TBC1D26: variants seen among roughly 807,000 people sequenced by gnomAD.
The protein encoded by TBC1D26 is TBC1 domain family member 26.
A neutral mutation model predicts 42.5 loss-of-function variants in TBC1D26; 19 were observed. That is an observed-to-expected ratio of 0.45 (90% CI 0.31 to 0.66). The LOEUF (loss-of-function observed/expected upper bound fraction) is 0.66, where lower values mean the gene tolerates loss of function less well. Among genes scored for constraint, TBC1D26 ranks in the 30% least tolerant of loss-of-function variants. The pLI is 0.06. For missense variants in TBC1D26, 228 were observed against 332.6 expected (o/e 0.69, Z 2.45); for synonymous variants, 97 against 123.5 (o/e 0.79, Z 1.42).
intron 11 of TBC1D26, 24 bp downstream of exon 11, chr17:15,742,060 C>T (rs1967802297): frequency 1.2e-6 from 2 of 1,604,444 alleles, no homozygotes; most frequent in Admixed American, 3.3e-5. Flanking sequence ...ACCCTCAGCT[C>T]CTAACCAGAC....
At chr17:15,739,751 G>A (rs569560360) in intron 8 of TBC1D26, among the ~76,000 whole-genome samples, 10 of 152,408 alleles carry the variant, frequency 6.6e-5, no homozygotes, top group Non-Finnish European at 1.3e-4. Context: ...TCTGGGAGGG[G>A]CTGCAGTGGT....
intron 14 of TBC1D26, 75 bp downstream of exon 14, chr17:15,743,591 C>T (rs1455271138): frequency 2.4e-5 from 12 of 510,494 alleles, no homozygotes; most frequent in Non-Finnish European, 3.1e-5. Context: ...GTGGCCCCGC[C>T]AGCCCTCCTA....
At chr17:15,738,971 GC>G in intron 8 of TBC1D26, 141 bp downstream of exon 8, 1 of 1,249,418 alleles carries the variant, frequency 8.0e-7, no homozygotes, top group Non-Finnish European at 1.1e-6. Context: ...GGAGCAGCCG[GC>G]ACCATGGACT....
rs368471151 is a variant in TBC1D26, at chr17:15,738,038, G to T, written c.240G>T (p.Lys80Asn). The stretch of plus-strand genomic sequence containing the variant: ...GTAAACGTACCAACAAGTGGCAAAA[G>T]ATGCTTGCAGACTGGACAAAATATA... ...KESKRTNKWQ[K>N]MLADWTKYRS... The change falls in exon 6 of 15, where the codon AAG (lysine) becomes AAT (asparagine). Residue 80 changes from lysine to asparagine, a missense_variant. By Grantham distance (94) the Lys-to-Asn change is moderately conservative. This residue lies in a region of TBC1D26 where 72 missense variants were observed against 90.1 expected (regional missense o/e 0.80). Transcript: ENST00000437605. The T allele has an allele frequency of 6.2e-7, 1 of 1,614,102 alleles. No individual in the cohort carries two copies. The highest frequency in any genetic ancestry group is 1.3e-5 in the African/African-American group (1 of 74,938).
At position 15,740,309 on chromosome 17, in the gene TBC1D26, C is replaced by T; in HGVS notation, c.546+161C>T. On this transcript the variant is annotated intron_variant, in intron 9 of 14. Coordinates refer to ENST00000437605, the MANE Select transcript of TBC1D26 (RefSeq NM_001388465.1). ...CTGCTGGCAGAAAAGGGCTGAAGCC[C>T]AGACTCCTGGTGTCACATGGACCCA... 1.9e-6 allele frequency: 3 copies of T among 1,584,370 alleles called. No individual in the cohort carries two copies. In the South Asian group the frequency reaches 3.5e-5, roughly 19 times the overall value.
At chr17:15,740,992 C>T in intron 9 of TBC1D26, 130 bp from the exon 10 acceptor site, 1 of 1,227,802 alleles carries the variant, frequency 8.1e-7, no homozygotes, top group Non-Finnish European at 1.1e-6. Context: ...GCAGAGGCTG[C>T]ACCTCAAATC....
At chr17:15,738,132 G>A in intron 6 of TBC1D26, 55 bp downstream of exon 6, 1 of 1,613,704 alleles carries the variant, frequency 6.2e-7, no homozygotes, top group Non-Finnish European at 8.5e-7. Flanking sequence ...CCAGGAGACA[G>A]GCACCCATGG....
intron 10 of TBC1D26, chr17:15,741,693 C>T (rs945853178): frequency 3.1e-5 from 17 of 543,708 alleles, no homozygotes; most frequent in South Asian, 1.4e-4. Flanking sequence ...ACCCTGTTCT[C>T]CCCGCTGGCG....
At chr17:15,737,741 T>C in intron 5 of TBC1D26, 3 of 838,978 alleles carry the variant, frequency 3.6e-6, no homozygotes, top group South Asian at 3.6e-5. Flanking sequence ...ACTGCCTGTT[T>C]GAACCAAGAC....
At chr17:15,742,217 G>A (rs916884617) in intron 11 of TBC1D26, among the ~76,000 whole-genome samples, 181 bp downstream of exon 11, 9 of 152,152 alleles carry the variant, frequency 5.9e-5, no homozygotes, top group Admixed American at 3.3e-4. Context: ...AGGCAGAGGC[G>A]CTGGGACCAG....
intron 7 of TBC1D26, 50 bp from the exon 8 acceptor site, chr17:15,738,671 G>A (rs1243508259): frequency 9.9e-6 from 16 of 1,613,476 alleles, no homozygotes; most frequent in Admixed American, 3.3e-5. Flanking sequence ...GGGGCAGGGA[G>A]TCTTTTGTCT....
intron 10 of TBC1D26, chr17:15,741,436 C>G (rs1249865275): frequency 1.4e-6 from 1 of 738,582 alleles, no homozygotes; most frequent in Non-Finnish European, 2.1e-6. Context: ...AGACGGCTTT[C>G]ATCCCTAACA....
At chr17:15,740,560 C>G in intron 9 of TBC1D26, 1 of 1,149,764 alleles carries the variant, frequency 8.7e-7, no homozygotes, top group South Asian at 2.7e-5. Flanking sequence ...TTGCCTGAAC[C>G]CCATAGGAGC....
At chr17:15,739,008 G>T (rs1270293980) in intron 8 of TBC1D26, among the ~76,000 whole-genome samples, 178 bp downstream of exon 8, 1 of 143,578 alleles carries the variant, frequency 7.0e-6, no homozygotes, top group African/African-American at 2.6e-5. Context: ...CTAAGCTCTG[G>T]GCCGGGCTGG....
rs1967573380 is a variant in TBC1D26 at position 15,735,070 on chromosome 17, G to A, written c.-2G>A. On this transcript the variant is annotated splice_region_variant and 5_prime_UTR_variant, in exon 2 of 15. Transcript: ENST00000437605. The stretch of plus-strand genomic sequence containing the variant: ...GGACGCCGTTTGTCCTGCCAGGGCA[G>A]GTGTGTGTCTGCCTTGGGGTGTTCA... 1.9e-6 allele frequency: 1 copy of A among 517,896 alleles called. No homozygotes were observed. The allele number at this position is 517,896 out of a possible 1,614,324, so 32.1% of individuals were successfully genotyped here. A position where few individuals can be genotyped will look rare whatever the true frequency, so the allele number is the denominator to read the frequency against.
At chr17:15,742,090 A>T in intron 11 of TBC1D26, 54 bp downstream of exon 11, 2 of 1,515,484 alleles carry the variant, frequency 1.3e-6, no homozygotes, top group East Asian at 4.6e-5. Context: ...CCCATAGGCC[A>T]GGGGAGGCTC....
chr17:15,741,654 A>C, intron 10 of TBC1D26: 3 of 485,134 alleles, frequency 6.2e-6, no homozygotes, highest in Non-Finnish European at 7.4e-6. Flanking sequence ...CCCCACATCC[A>C]AGAGATAGCC....
In TBC1D26 at chr17:15,737,881, T is replaced by C. The variant is rs1054519169; in HGVS notation, c.199-116T>C. 7.1e-5 allele frequency: 98 copies of C among 1,376,728 alleles called. No individual in the cohort carries two copies. The African/African-American group carries it at 1.3e-3, about 18-fold the overall frequency. The allele number at this position is 1,376,728 out of a possible 1,614,324, so 85.3% of individuals were successfully genotyped here. On this transcript the variant is annotated intron_variant, in intron 5 of 14. Coordinates refer to ENST00000437605, the MANE Select transcript of TBC1D26 (RefSeq NM_001388465.1). ...GGTCTCAGCCCCTGGGGCCTGCCCT[T>C]TCCTGGCTTCTTCAAGTTGGGTCCC...
chr17:15,742,098 C>A, intron 11 of TBC1D26, 62 bp downstream of exon 11: 1 of 1,413,774 alleles, frequency 7.1e-7, no homozygotes, highest in Non-Finnish European at 9.8e-7. Flanking sequence ...CCAGGGGAGG[C>A]TCAAGTCCCT....
Sources: allele counts gnomAD v4.1 joint callset (sites outside exome capture counted in the v4.1 genomes callset), GRCh38; gene constraint gnomAD v4.1.1; regional missense constraint gnomAD v4.1.1; transcripts MANE v1.5; gene names NCBI Gene and HGNC (gene_info 2026-07-23, HGNC 2026-07-21).